Variants in ZFHX3 observed in about 807,000 individuals in gnomAD.
ZFHX3 encodes zinc finger homeobox 3.
ZFHX3 carries 42 observed loss-of-function variants against 279.1 expected under a neutral mutation model. The observed-to-expected ratio is 0.15, with a 90% CI of 0.12 to 0.19. The LOEUF (loss-of-function observed/expected upper bound fraction) is 0.19, where lower values mean the gene tolerates loss of function less well. ZFHX3 is among the 10% of genes least tolerant of loss of function. The pLI, the probability that ZFHX3 is intolerant of heterozygous loss-of-function variation, is 1.00. For synonymous variants in ZFHX3, 2,293 were observed against 1,957.8 expected, an observed-to-expected ratio of 1.17 and a Z score of -4.52; for missense variants, 4,981 against 4,754.0, an observed-to-expected ratio of 1.05 and a Z score of -1.40.
rs570867202 is a variant in ZFHX3 at position 73,553,031 on chromosome 16, C to T, written c.-1546-96773G>A. On this transcript the variant is annotated intron_variant, in intron 2 of 17. Transcript: ENST00000641206. ...ATTCTGCCGGGCTCTGCTAACTGTCCTAATCACATCGCCTGTGAATTGGAT... is the reference window on the plus strand; with the variant it reads ...ATTCTGCCGGGCTCTGCTAACTGTCTTAATCACATCGCCTGTGAATTGGAT... Among the ~76,000 whole-genome samples the T allele has an allele frequency of 8.4e-4, 128 of 152,162 alleles. 1 individual carries two copies. Among genetic ancestry groups the T allele is most frequent in the Non-Finnish European group, 1.3e-3 (89 of 68,034 alleles).
intron 1 of ZFHX3, among the ~76,000 whole-genome samples, chr16:73,806,102 C>G (rs924994642): frequency 1.3e-5 from 2 of 152,202 alleles, no homozygotes; most frequent in Non-Finnish European, 2.9e-5. Flanking sequence ...GGGAAGCCCC[C>G]TATAAAACCA....
chr16:73,345,863 C>T lies in ZFHX3; in HGVS notation c.-1290-27527G>A, dbSNP rs989226283. Among the ~76,000 whole-genome samples, 6 of 152,186 alleles carry T rather than the reference C, an allele frequency of 3.9e-5. No homozygotes were observed. In the East Asian group the frequency reaches 9.7e-4, roughly 25 times the overall value. ...CTTGGTGGTGCTCGGTGACACCAGC[C>T]CAGGGCCCTGCTTCCCTAGGGCACA... On this transcript the variant is annotated intron_variant, in intron 3 of 17. Coordinates refer to the ZFHX3 transcript ENST00000641206.
Position 73,003,542 on chromosome 16 carries a change from T to TAA in ZFHX3, c.-49-43350_-49-43349dup, listed in dbSNP as rs147999738. On this transcript the variant is annotated intron_variant, in intron 1 of 9. Transcript: ENST00000268489. ...CCCCTCCCCACCCCGCCCCATCTCT[T>TAA]AAAAAAAAAAAAAATTAGCTGGGAG... 8.0e-4 allele frequency among the ~76,000 whole-genome samples: 97 copies of TAA among 120,624 alleles called. 1 individual carries two copies. The highest frequency in any genetic ancestry group is 1.6e-3 in the South Asian group (6 of 3,638). 79.1% of individuals were successfully genotyped at this position (120,624 alleles called of 152,430 possible).
intron 1 of ZFHX3, among the ~76,000 whole-genome samples, chr16:73,805,545 A>T (rs1960254925): frequency 6.6e-6 from 1 of 152,208 alleles, no homozygotes; most frequent in Non-Finnish European, 1.5e-5. Context: ...TGAAGTTTTC[A>T]TCTTTGCACA....
At chr16:72,870,080 A>G (rs1567556219) in intron 4 of ZFHX3, among the ~76,000 whole-genome samples, 1 of 152,214 alleles carries the variant, frequency 6.6e-6, no homozygotes, top group Non-Finnish European at 1.5e-5. Flanking sequence ...CAAGGTCATA[A>G]AAGGGCAAGA....
chr16:73,317,607 A>C (rs1231104307), intron 4 of ZFHX3, among the ~76,000 whole-genome samples: 2 of 152,172 alleles, frequency 1.3e-5, no homozygotes, highest in South Asian at 2.1e-4. Flanking sequence ...CTGTGATTGC[A>C]TCACTGCTGG....
chr16:73,147,415 G>A (rs942240960), intron 5 of ZFHX3, among the ~76,000 whole-genome samples: 39 of 152,016 alleles, frequency 2.6e-4, no homozygotes, highest in Middle Eastern at 3.4e-3. Flanking sequence ...AAATTGGGCC[G>A]GGCGCGGTGG....
intron 1 of ZFHX3, among the ~76,000 whole-genome samples, chr16:73,859,997 G>A (rs1227696729): frequency 6.6e-6 from 1 of 152,070 alleles, no homozygotes; most frequent in Non-Finnish European, 1.5e-5. Context: ...AAAGTCCTGT[G>A]GCCCAGTTCA....
chr16:73,070,196 A>G (rs967193190), intron 8 of ZFHX3, among the ~76,000 whole-genome samples: 4 of 152,274 alleles, frequency 2.6e-5, no homozygotes, highest in African/African-American at 9.6e-5. Context: ...ACTGAACTGT[A>G]TCAAACTCTT....
intron 1 of ZFHX3, among the ~76,000 whole-genome samples, chr16:73,694,907 G>A (rs965426923): frequency 6.6e-6 from 1 of 152,122 alleles, no homozygotes; most frequent in African/African-American, 2.4e-5. Context: ...ACCATTTACC[G>A]ACCAATGGAA....
chr16:73,176,686 T>C (rs1967673998), intron 5 of ZFHX3, among the ~76,000 whole-genome samples: 1 of 151,302 alleles, frequency 6.6e-6, no homozygotes, highest in Non-Finnish European at 1.5e-5. Flanking sequence ...TTTACCATTC[T>C]CCAGAATGCT....
At chr16:73,266,045 A>T (rs2013964040) in intron 4 of ZFHX3, among the ~76,000 whole-genome samples, 1 of 152,200 alleles carries the variant, frequency 6.6e-6, no homozygotes, top group African/African-American at 2.4e-5. Flanking sequence ...TCGAAAACAA[A>T]CCACTTACTC....
chr16:72,855,966 T>G (rs2037744523), intron 4 of ZFHX3, among the ~76,000 whole-genome samples: 1 of 152,228 alleles, frequency 6.6e-6, no homozygotes, highest in Non-Finnish European at 1.5e-5. Context: ...AAAGGCCGTG[T>G]ATGAGAACAC....
At chr16:72,900,149 A>C (rs926362526) in intron 3 of ZFHX3, among the ~76,000 whole-genome samples, 7 of 152,010 alleles carry the variant, frequency 4.6e-5, no homozygotes, top group South Asian at 4.2e-4. Context: ...AAAAAAAAAA[A>C]AAAAAACAAG....
rs377326538 is a variant in ZFHX3 at position 72,800,151 on chromosome 16, A to T, written c.3865-22T>A. 3.8e-6 allele frequency: 6 copies of T among 1,587,784 alleles called. No homozygotes were observed. In the African/African-American group the frequency reaches 8.1e-5, roughly 21 times the overall value. The stretch of plus-strand genomic sequence containing the variant: ...TCACCTGAGGAGCAAGAGCAAGGAG[A>T]GTCAAATGGAGAGGAAAGCGACACA... On this transcript the variant is annotated intron_variant, in intron 7 of 9. Coordinates refer to ENST00000268489, the MANE Select transcript of ZFHX3 (RefSeq NM_006885.4).
intron 2 of ZFHX3, among the ~76,000 whole-genome samples, chr16:73,601,176 G>C (rs928904883): frequency 6.6e-5 from 10 of 152,004 alleles, no homozygotes; most frequent in African/African-American, 2.4e-4. Context: ...GTTTGGGCCA[G>C]GCACAGTGGC....
At chr16:73,046,168 T>C (rs1362368820) in intron 1 of ZFHX3, among the ~76,000 whole-genome samples, 2 of 152,188 alleles carry the variant, frequency 1.3e-5, no homozygotes, top group Non-Finnish European at 2.9e-5. Flanking sequence ...TGAACACAAA[T>C]ACAGGCGTGC....
At chr16:73,263,381 G>T (rs55795236) in intron 4 of ZFHX3, among the ~76,000 whole-genome samples, 1 of 151,906 alleles carries the variant, frequency 6.6e-6, no homozygotes, top group Admixed American at 6.6e-5. Flanking sequence ...AGAGATGGGG[G>T]TCACAGTATG....
At chr16:73,495,953 T>G (rs1343399044) in intron 2 of ZFHX3, among the ~76,000 whole-genome samples, 1 of 152,214 alleles carries the variant, frequency 6.6e-6, no homozygotes, top group Non-Finnish European at 1.5e-5. Flanking sequence ...TTCATCACGG[T>G]CGTGCTGCAG....
Sources: gnomAD v4.1 joint callset for allele counts (sites outside exome capture counted in the v4.1 genomes callset) on GRCh38, gnomAD v4.1.1 for gene constraint, MANE v1.5 for transcripts, NCBI Gene and HGNC (gene_info 2026-07-23, HGNC 2026-07-21) for gene names.